CAST: variants seen among roughly 807,000 people sequenced by gnomAD.
CAST encodes calpastatin, also known as MIR583 host.
Under a neutral mutation model 119.6 loss-of-function variants are expected in CAST, and 76 were observed. The ratio of observed to expected loss-of-function variants is 0.64; its 90% CI spans 0.53 to 0.77. CAST has a LOEUF of 0.77. CAST is among the 30% of genes least tolerant of loss of function. The pLI is 0.00. For synonymous variants in CAST, 319 were observed against 331.6 expected, an observed-to-expected ratio of 0.96 and a Z score of 0.41; for missense variants, 953 against 946.5, an observed-to-expected ratio of 1.01 and a Z score of -0.09.
At chr5:96,723,528 A>G (rs894114393) in intron 4 of CAST, among the ~76,000 whole-genome samples, 3 of 151,960 alleles carry the variant, frequency 2.0e-5, no homozygotes, top group Non-Finnish European at 4.4e-5. Flanking sequence ...TTTATTGACA[A>G]ACCTTTCTTG....
the CAST span, among the ~76,000 whole-genome samples, chr5:96,273,622 G>C: frequency 1.3e-5 from 2 of 152,198 alleles, no homozygotes; most frequent in Non-Finnish European, 2.9e-5. Flanking sequence ...TTTCAGGCAT[G>C]TAAGATTTAA....
At chr5:96,181,585 C>A in the CAST span, among the ~76,000 whole-genome samples, 1 of 152,168 alleles carries the variant, frequency 6.6e-6, no homozygotes, top group African/African-American at 2.4e-5. Context: ...AACCGAGGTG[C>A]AGATAAATGG....
At chr5:96,578,736 G>T (rs1746718670) in intron 1 of CAST, among the ~76,000 whole-genome samples, 1 of 152,010 alleles carries the variant, frequency 6.6e-6, no homozygotes, top group South Asian at 2.1e-4. Context: ...TCCTGTTGAA[G>T]TTGGGGATGT....
At chr5:95,961,706 T>TC in the CAST span, 14 of 1,589,730 alleles carry the variant, frequency 8.8e-6, no homozygotes, top group African/African-American at 2.8e-5. Flanking sequence ...AGGCCCCCTG[T>TC]CCCCCCCGCC....
the CAST span, among the ~76,000 whole-genome samples, chr5:96,346,637 A>G: frequency 1.3e-5 from 2 of 152,102 alleles, no homozygotes; most frequent in Non-Finnish European, 2.9e-5. Flanking sequence ...GCAACACCCA[A>G]ACCTCATAAT....
chr5:96,249,889 A>G, the CAST span, among the ~76,000 whole-genome samples: 10 of 152,132 alleles, frequency 6.6e-5, no homozygotes, highest in Non-Finnish European at 1.2e-4. Flanking sequence ...CATTCATCCT[A>G]TGCTTGAACC....
intron 2 of CAST, among the ~76,000 whole-genome samples, chr5:96,690,441 G>C (rs1244843848): frequency 6.6e-6 from 1 of 152,070 alleles, no homozygotes; most frequent in East Asian, 1.9e-4. Context: ...TGTTGGCCAG[G>C]CTGGTCTCGA....
At chr5:96,421,659 AT>A in the CAST span, among the ~76,000 whole-genome samples, 1 of 152,188 alleles carries the variant, frequency 6.6e-6, no homozygotes, top group Non-Finnish European at 1.5e-5. Flanking sequence ...GAATTTCATA[AT>A]GTAAGAAGTT....
the CAST span, among the ~76,000 whole-genome samples, chr5:96,000,468 T>A: frequency 6.6e-6 from 1 of 152,218 alleles, no homozygotes; most frequent in African/African-American, 2.4e-5. Flanking sequence ...GGTTATCCAG[T>A]TGCCCACATT....
intron 1 of CAST, among the ~76,000 whole-genome samples, chr5:96,602,273 AT>A (rs55761939): frequency 0.084 from 12,720 of 152,280 alleles, 612 homozygotes; most frequent in African/African-American, 0.14. Flanking sequence ...AGTGATTGCA[AT>A]GACATTTCAA....
intron 2 of CAST, 138 bp downstream of exon 2, chr5:96,675,739 T>C: frequency 3.3e-6 from 2 of 615,266 alleles, no homozygotes; most frequent in Non-Finnish European, 5.6e-6. Context: ...CAAGATTTGG[T>C]TCAAGAATAT....
chr5:96,424,027 G>T, the CAST span, among the ~76,000 whole-genome samples: 3 of 152,198 alleles, frequency 2.0e-5, no homozygotes, highest in Non-Finnish European at 4.4e-5. Context: ...TGTGAGAGGA[G>T]ATTCAGGGTT....
upstream of CAST, among the ~76,000 whole-genome samples, chr5:96,522,470 G>T (rs1202535767): frequency 6.6e-6 from 1 of 152,030 alleles, no homozygotes; most frequent in East Asian, 1.9e-4. Context: ...GTTTTAGGAC[G>T]CTGTAGCCTA....
At chr5:96,579,881 T>C (rs543175547) in intron 1 of CAST, among the ~76,000 whole-genome samples, 1 of 152,356 alleles carries the variant, frequency 6.6e-6, no homozygotes, top group South Asian at 2.1e-4. Context: ...ATGGGCCTAG[T>C]CATCATTGCA....
the CAST span, among the ~76,000 whole-genome samples, chr5:96,451,438 A>C: frequency 6.6e-6 from 1 of 152,360 alleles, no homozygotes; most frequent in East Asian, 1.9e-4. Context: ...TTGGCTAGCC[A>C]TATGTGGAAA....
In CAST at chr5:96,736,485, A is replaced by G. The variant is rs571378835; in HGVS notation, c.699+245A>G. Among the ~76,000 whole-genome samples, 17 of 152,286 alleles carry G rather than the reference A, an allele frequency of 1.1e-4. No individual in the cohort carries two copies. In the East Asian group the frequency reaches 2.1e-3, roughly 19 times the overall value. ...AACAAACAAACTCCAGTTTCATCCC[A>G]TGGAGTTTACATTCCAGTTTCTCTC... is the stretch of plus-strand genomic sequence containing the variant. On this transcript the variant is annotated intron_variant, in intron 10 of 31. Transcript: ENST00000675179.
chr5:96,437,788 G>T, the CAST span, among the ~76,000 whole-genome samples: 3 of 152,082 alleles, frequency 2.0e-5, no homozygotes, highest in African/African-American at 4.8e-5. Context: ...TAACATGCCT[G>T]GTATACATGA....
At chr5:96,567,120 A>G (rs891270364) in intron 1 of CAST, among the ~76,000 whole-genome samples, 2 of 152,222 alleles carry the variant, frequency 1.3e-5, no homozygotes, top group African/African-American at 4.8e-5. Context: ...ATTCATTATT[A>G]AAACAGCCTT....
chr5:96,457,860 T>C, the CAST span, among the ~76,000 whole-genome samples: 4 of 152,182 alleles, frequency 2.6e-5, no homozygotes, highest in African/African-American at 9.7e-5. Context: ...TTTTTCCCTA[T>C]TAGGGGTTTA....
Sources: gnomAD v4.1 joint callset for allele counts (sites outside exome capture counted in the v4.1 genomes callset) on GRCh38, gnomAD v4.1.1 for gene constraint, MANE v1.5 for transcripts, NCBI Gene and HGNC (gene_info 2026-07-23, HGNC 2026-07-21) for gene names.